The following CKAP5 variants were observed in gnomAD, a reference collection of about 807,000 sequenced individuals.
The protein encoded by CKAP5 is cytoskeleton-associated protein 5.
Under a neutral mutation model 232.8 loss-of-function variants are expected in CKAP5, and 27 were observed. The observed-to-expected ratio is 0.12, with a 90% CI of 0.09 to 0.16. The LOEUF (loss-of-function observed/expected upper bound fraction) is 0.16. Ranked by LOEUF, CKAP5 falls within the 10% of genes least tolerant of loss-of-function variation. The pLI, the probability that CKAP5 is intolerant of heterozygous loss-of-function variation, is 1.00. For missense variants in CKAP5, 1,838 were observed against 2,424.7 expected (o/e 0.76, Z 5.08); for synonymous variants, 785 against 841.1 (o/e 0.93, Z 1.16).
intron 32 of CKAP5, 51 bp downstream of exon 32, chr11:46,761,949 T>A: frequency 6.8e-7 from 1 of 1,461,358 alleles, no homozygotes; most frequent in Middle Eastern, 1.8e-4. Context: ...ACCTAGGAGA[T>A]CTTGCAATTC....
chr11:46,751,555 G>T, intron 38 of CKAP5, 21 bp from the exon 39 acceptor site: 1 of 1,567,540 alleles, frequency 6.4e-7, no homozygotes, highest in Non-Finnish European at 8.7e-7. Flanking sequence ...AAGAATAAAA[G>T]AGTTAGGAGT....
In CKAP5 at chr11:46,777,465, T is replaced by C. The variant is rs147935536; in HGVS notation, c.2836A>G (p.Ile946Val). Residue 946 changes from isoleucine (I) to valine (V), a missense_variant, in exon 23 of 44, where the codon ATC becomes GTC. Around this residue, in one of 6 missense-constraint regions of CKAP5, gnomAD observed 767 missense variants for 954.6 expected, o/e 0.80. Transcript: ENST00000529230. ...TTGCTGTCTCCAAGGACTGTGATGA[T>C]AGGGATGCCTAAATTTTTTACATGT... ...KQHVKNLGIP[I>V]ITVLGDSKNN... 1.2e-6 allele frequency: 2 copies of C among 1,612,292 alleles called. No individual in the cohort carries two copies. Among genetic ancestry groups the C allele is most frequent in the Non-Finnish European group, 1.7e-6 (2 of 1,178,446 alleles).
At chr11:46,756,710 T>C (rs1359980980) in intron 35 of CKAP5, among the ~76,000 whole-genome samples, 1 of 152,060 alleles carries the variant, frequency 6.6e-6, no homozygotes, top group East Asian at 1.9e-4. Context: ...CTCTTTATAG[T>C]GTAGGACAGT....
At chr11:46,751,002 G>T in intron 40 of CKAP5, 116 bp downstream of exon 40, 1 of 1,237,064 alleles carries the variant, frequency 8.1e-7, no homozygotes, top group Non-Finnish European at 1.1e-6. Flanking sequence ...GATTCAACCA[G>T]TCCATGAGCC....
chr11:46,770,989 A>G lies in CKAP5; in HGVS notation c.2992-7T>C. On this transcript the variant is annotated splice_polypyrimidine_tract_variant and splice_region_variant and intron_variant, in intron 24 of 43. Transcript: ENST00000529230. Reference sequence around the variant, plus strand: ...CAGCCAGCCAGCCCAGAAGCTGCCAAAAGAAATAAAGACTAGTTACACACT... The same window carrying G: ...CAGCCAGCCAGCCCAGAAGCTGCCAGAAGAAATAAAGACTAGTTACACACT... 1 of 1,609,036 alleles carries G rather than the reference A, an allele frequency of 6.2e-7. No homozygotes were observed.
At position 46,783,306 on chromosome 11, in the gene CKAP5, T is replaced by G; in HGVS notation, c.2217A>C (p.Leu739=). ...PKNQSETLNW[L]SNAIKEFGFS... is the part of the protein sequence containing the mutation. Reference sequence around the variant, plus strand: ...AACCAAATTCTTTTATGGCATTTGATAGCCAATTCAGAGTTTCTGACTGAT... The same window carrying G: ...AACCAAATTCTTTTATGGCATTTGAGAGCCAATTCAGAGTTTCTGACTGAT... The change falls in exon 18 of 44, where the codon CTA becomes CTC. Residue 739 remains leucine (L), a synonymous_variant. Coordinates refer to ENST00000529230, the MANE Select transcript of CKAP5 (RefSeq NM_001008938.4). 6.2e-7 allele frequency: 1 copy of G among 1,612,460 alleles called. No individual in the cohort carries two copies. Among genetic ancestry groups the G allele is most frequent in the South Asian group, 1.1e-5 (1 of 90,800 alleles).
intron 24 of CKAP5, among the ~76,000 whole-genome samples, chr11:46,773,857 C>T (rs773301480): frequency 5.3e-5 from 8 of 152,016 alleles, no homozygotes; most frequent in Non-Finnish European, 1.2e-4. Context: ...TTTTTATGTT[C>T]TGATTAAAAC....
chr11:46,796,164 C>A (rs1180935553), intron 12 of CKAP5, among the ~76,000 whole-genome samples: 1 of 113,320 alleles, frequency 8.8e-6, no homozygotes, highest in Admixed American at 9.1e-5. Flanking sequence ...GATTCATTGC[C>A]AAAAAAAAAA....
At chr11:46,795,067 G>T (rs1430193912) in intron 13 of CKAP5, among the ~76,000 whole-genome samples, 1 of 152,186 alleles carries the variant, frequency 6.6e-6, no homozygotes, top group East Asian at 1.9e-4. Context: ...GGTGGCTCAC[G>T]CCTGTAATCT....
In CKAP5 at chr11:46,794,704, C is replaced by T. The variant is rs187074362; in HGVS notation, c.1650+890G>A. Among the ~76,000 whole-genome samples the T allele has an allele frequency of 2.7e-3, 413 of 152,120 alleles. 3 individuals carry two copies. The highest frequency in any genetic ancestry group is 9.8e-3 in the African/African-American group (405 of 41,506). On this transcript the variant is annotated intron_variant, in intron 13 of 43. Transcript: ENST00000529230. ...TTTAAAAATAAGCTGGGTATGGTGG[C>T]AAGTCCCTGTCATCCTAGCTACTTG...
chr11:46,823,785 T>C (rs939885452), intron 1 of CKAP5, among the ~76,000 whole-genome samples: 2 of 152,194 alleles, frequency 1.3e-5, no homozygotes, highest in Admixed American at 1.3e-4. Context: ...CATGCCCAAC[T>C]AATTTTTTAG....
At chr11:46,835,295 C>T (rs1483757186) in intron 1 of CKAP5, among the ~76,000 whole-genome samples, 1 of 151,696 alleles carries the variant, frequency 6.6e-6, no homozygotes, top group East Asian at 1.9e-4. Context: ...GCTGAGAAGG[C>T]CTAGAAACAC....
At chr11:46,817,221 C>T (rs1939423435) in intron 3 of CKAP5, among the ~76,000 whole-genome samples, 1 of 152,070 alleles carries the variant, frequency 6.6e-6, no homozygotes, top group Non-Finnish European at 1.5e-5. Flanking sequence ...CTCAAGCGAT[C>T]TTCCTGCCTC....
rs765878987 is a variant in CKAP5 at position 46,809,839 on chromosome 11, T to C, written c.666A>G (p.Pro222=). The C allele has an allele frequency of 1.9e-6, 3 of 1,613,008 alleles. No homozygotes were observed. The highest frequency in any genetic ancestry group is 1.7e-4 in the Middle Eastern group (1 of 6,060). The change falls in exon 6 of 44, where the codon CCA becomes CCG. Residue 222 remains proline (P), a synonymous_variant. Coordinates refer to ENST00000529230, the MANE Select transcript of CKAP5 (RefSeq NM_001008938.4). ...ATCGAGTAGGTCTAGGAGCACTTGT[T>C]GGCAGTTTGACCCATTCTTCTTCTA... ...KELEEEWVKL[P]TSAPRPTRFL...
intron 4 of CKAP5, among the ~76,000 whole-genome samples, chr11:46,812,932 G>A (rs1939310410): frequency 6.6e-6 from 1 of 151,964 alleles, no homozygotes; most frequent in Admixed American, 6.6e-5. Flanking sequence ...ATACAGGCAT[G>A]AGCCACTGCT....
chr11:46,770,870 C>A lies in CKAP5; in HGVS notation c.3104G>T (p.Arg1035Leu), dbSNP rs747693923. Residue 1035 changes from arginine to leucine, a missense_variant, in exon 25 of 44, where the codon CGA (arginine) becomes CTA (leucine). Transcript: ENST00000529230. ...SCLEDRNGDV[R>L]KKAQDALPFF... ...TGGCAAGGCATCTTGGGCCTTCTTTCGCACATCTCCATTTCGATCTTCTAG... is the reference window on the plus strand; with the variant it reads ...TGGCAAGGCATCTTGGGCCTTCTTTAGCACATCTCCATTTCGATCTTCTAG... 1 of 1,614,104 alleles carries A rather than the reference C, an allele frequency of 6.2e-7. No homozygotes were observed. The highest frequency in any genetic ancestry group is 8.5e-7 in the Non-Finnish European group (1 of 1,180,006).
At chr11:46,791,562 T>G (rs1002947623) in intron 13 of CKAP5, among the ~76,000 whole-genome samples, 1 of 152,078 alleles carries the variant, frequency 6.6e-6, no homozygotes, top group African/African-American at 2.4e-5. Context: ...TAGTCTCAGC[T>G]ACTTGGGAGG....
At chr11:46,816,543 A>G in intron 3 of CKAP5, 139 bp from the exon 4 acceptor site, 1 of 639,492 alleles carries the variant, frequency 1.6e-6, no homozygotes, top group East Asian at 2.8e-5. Flanking sequence ...TTTATGTTCA[A>G]GAATATTTTA....
intron 11 of CKAP5, among the ~76,000 whole-genome samples, chr11:46,797,185 T>C (rs1242318801): frequency 1.3e-5 from 2 of 152,078 alleles, no homozygotes; most frequent in African/African-American, 2.4e-5. Context: ...CTGGCAAACA[T>C]GGTGAAACCC....
Sources: gnomAD v4.1 joint callset for allele counts (sites outside exome capture counted in the v4.1 genomes callset) on GRCh38, gnomAD v4.1.1 for gene constraint, gnomAD v4.1.1 regional missense constraint, MANE v1.5 for transcripts, NCBI Gene and HGNC (gene_info 2026-07-23, HGNC 2026-07-21) for gene names.